Variants in DYSF observed in about 807,000 individuals in gnomAD.
The protein encoded by DYSF is dysferlin.
In DYSF, 212 loss-of-function variants were observed where a neutral mutation model predicts 274.9. That is an observed-to-expected ratio of 0.77 (90% CI 0.69 to 0.86). The LOEUF is 0.86. DYSF is among the 40% of genes least tolerant of loss of function. DYSF has a pLI of 0.00. For synonymous variants in DYSF, 1,091 were observed against 1,078.7 expected (o/e 1.01, Z -0.22); for missense variants, 2,666 against 2,783.2 (o/e 0.96, Z 0.95).
rs746412071 is a variant in DYSF, at chr2:71,600,776, A to G, written c.3831A>G (p.Pro1277=). The stretch of plus-strand genomic sequence containing the variant: ...GGATGCCACGGCTGGCCTGGTTCCC[A>G]CTGACGAGGGGCAGCCAGCCGTCGG... ...LERMPRLAWF[P]LTRGSQPSGE... is the part of the protein sequence containing the mutation. The change falls in exon 34 of 56, where the codon CCA becomes CCG. Residue 1277 remains proline, a synonymous_variant. Transcript: ENST00000410020. 10 of 1,613,542 alleles carry G rather than the reference A, an allele frequency of 6.2e-6. No homozygotes were observed. The highest frequency in any genetic ancestry group is 8.5e-6 in the Non-Finnish European group (10 of 1,180,022).
intron 47 of DYSF, among the ~76,000 whole-genome samples, chr2:71,665,585 G>A (rs534835824): frequency 6.6e-6 from 1 of 152,354 alleles, no homozygotes; most frequent in South Asian, 2.1e-4. Context: ...GATCAGAGGT[G>A]AGTCTGAAGC....
chr2:71,582,710 A>T (rs1309196060), intron 30 of DYSF, among the ~76,000 whole-genome samples: 1 of 152,170 alleles, frequency 6.6e-6, no homozygotes, highest in African/African-American at 2.4e-5. Context: ...GCATTTGCTG[A>T]TTTCCATGGT....
chr2:71,559,615 G>C (rs776613890), intron 22 of DYSF, among the ~76,000 whole-genome samples: 1 of 152,114 alleles, frequency 6.6e-6, no homozygotes. Context: ...CACCCCTACA[G>C]GCTCCCCCTT....
intron 14 of DYSF, among the ~76,000 whole-genome samples, chr2:71,533,182 G>C (rs1175734768): frequency 6.6e-6 from 1 of 152,102 alleles, no homozygotes; most frequent in African/African-American, 2.4e-5. Context: ...ACCACTTCCA[G>C]CTAACTTTTG....
intron 12 of DYSF, among the ~76,000 whole-genome samples, chr2:71,524,863 C>T (rs1040312421): frequency 2.6e-5 from 4 of 152,200 alleles, no homozygotes; most frequent in African/African-American, 4.8e-5. Context: ...TCTCCAAGCA[C>T]GTGGGTTCTG....
At position 71,535,283 on chromosome 2, in the gene DYSF, G is replaced by GA. The variant is rs1236367931; in HGVS notation, c.1471dup (p.Met491AsnfsTer15). 2 of 1,613,914 alleles carry GA rather than the reference G, an allele frequency of 1.2e-6. No homozygotes were observed. The highest frequency in any genetic ancestry group is 4.5e-5 in the East Asian group (2 of 44,868). On this transcript the variant is annotated frameshift_variant, in exon 16 of 56. Transcript: ENST00000410020. LOFTEE classifies it high-confidence loss of function. ...CCTTCCTCAGTTTCCCTCCATGTGCGAAAAAATGAGGATTCGTATCATAGA... is the reference window on the plus strand; with the variant it reads ...CCTTCCTCAGTTTCCCTCCATGTGCGAAAAAAATGAGGATTCGTATCATAGA...
At chr2:71,545,284 C>T (rs901637772) in intron 17 of DYSF, among the ~76,000 whole-genome samples, 3 of 152,194 alleles carry the variant, frequency 2.0e-5, no homozygotes, top group Non-Finnish European at 4.4e-5. Context: ...CAAGTACACG[C>T]AAAGGTAGAG....
Position 71,612,627 on chromosome 2 carries a change from C to T in DYSF, c.4222-14C>T, listed in dbSNP as rs1430914238. On this transcript the variant is annotated splice_polypyrimidine_tract_variant and intron_variant, in intron 38 of 55. Transcript: ENST00000410020. ...GGGGGATTCAGGCCAGTGCGTTCTT[C>T]CTCCTCCACCCAGATGCTGCCCAGG... The T allele has an allele frequency of 1.2e-6, 2 of 1,613,318 alleles. No individual in the cohort carries two copies. The highest frequency in any genetic ancestry group is 1.1e-5 in the South Asian group (1 of 91,020).
intron 40 of DYSF, among the ~76,000 whole-genome samples, chr2:71,617,802 GTATA>G (rs778736356): frequency 2.6e-5 from 3 of 117,554 alleles, no homozygotes; most frequent in Admixed American, 8.8e-5. Flanking sequence ...TAGAGGTGGG[GTATA>G]TGTGTGTGTG....
At chr2:71,587,399 CT>C (rs1357419224) in intron 30 of DYSF, among the ~76,000 whole-genome samples, 2 of 152,224 alleles carry the variant, frequency 1.3e-5, no homozygotes, top group African/African-American at 4.8e-5. Context: ...TTGATTCTTA[CT>C]GAAATGTCCA....
At chr2:71,460,888 T>G (rs1573240790) in intron 1 of DYSF, among the ~76,000 whole-genome samples, 3 of 128,186 alleles carry the variant, frequency 2.3e-5, no homozygotes, top group Admixed American at 8.9e-5. Flanking sequence ...TGGGGTAGGG[T>G]GGGGTATGAT....
intron 10 of DYSF, among the ~76,000 whole-genome samples, chr2:71,518,921 C>T (rs1054956217): frequency 4.0e-5 from 6 of 151,422 alleles, no homozygotes; most frequent in Admixed American, 2.0e-4. Flanking sequence ...GGTAAAACCC[C>T]GCCTCTACTA....
chr2:71,685,070 C>T (rs564615993), intron 55 of DYSF, among the ~76,000 whole-genome samples: 2 of 152,344 alleles, frequency 1.3e-5, no homozygotes, highest in Admixed American at 1.3e-4. Flanking sequence ...GGCTACTGGG[C>T]AGCAGATCTA....
intron 22 of DYSF, among the ~76,000 whole-genome samples, chr2:71,560,927 G>T (rs1020989409): frequency 6.6e-6 from 1 of 152,184 alleles, no homozygotes; most frequent in African/African-American, 2.4e-5. Context: ...GTCCCGCTTG[G>T]TTAGGGAGTG....
intron 40 of DYSF, among the ~76,000 whole-genome samples, chr2:71,617,913 T>TG (rs1393797550): frequency 2.9e-4 from 7 of 24,190 alleles, no homozygotes; most frequent in Admixed American, 5.6e-4. Context: ...GTGGTAGAGG[T>TG]GTGTGTGTGT....
intron 1 of DYSF, among the ~76,000 whole-genome samples, chr2:71,473,149 C>A (rs1433954806): frequency 6.6e-6 from 1 of 152,174 alleles, no homozygotes; most frequent in Non-Finnish European, 1.5e-5. Flanking sequence ...CTGCCCAGTT[C>A]TTGGGGTGTC....
intron 38 of DYSF, among the ~76,000 whole-genome samples, chr2:71,612,193 C>G (rs78250966): frequency 1.1e-4 from 16 of 152,194 alleles, no homozygotes; most frequent in African/African-American, 3.4e-4. Context: ...GAGCCAAAGC[C>G]GCCCCTGAAG....
rs116035747 is a variant in DYSF at position 71,530,541 on chromosome 2, A to G, written c.1380+2140A>G. On this transcript the variant is annotated intron_variant, in intron 14 of 55. Transcript: ENST00000410020. ...AGGACAAAGGCAGCCAAGGCAAGGC[A>G]CTGTATACAGTAGATTGGCATCTGG... Among the ~76,000 whole-genome samples, 1,442 of 152,248 alleles carry G rather than the reference A, an allele frequency of 9.5e-3. 26 individuals are homozygous for G. Among genetic ancestry groups the G allele is most frequent in the African/African-American group, 0.033 (1,371 of 41,546 alleles).
chr2:71,560,636 T>A (rs2091676329), intron 22 of DYSF, among the ~76,000 whole-genome samples: 1 of 152,070 alleles, frequency 6.6e-6, no homozygotes, highest in Non-Finnish European at 1.5e-5. Context: ...AGGAAAAATG[T>A]AGTGCGCCGA....
Sources: gnomAD v4.1 joint callset for allele counts (sites outside exome capture counted in the v4.1 genomes callset) on GRCh38, gnomAD v4.1.1 for gene constraint, MANE v1.5 for transcripts, NCBI Gene and HGNC (gene_info 2026-07-23, HGNC 2026-07-21) for gene names.